Variants in PELI2 observed in about 807,000 individuals in gnomAD.
PELI2 encodes the protein E3 ubiquitin-protein ligase pellino homolog 2.
Under a neutral mutation model 42.3 loss-of-function variants are expected in PELI2, and 23 were observed. The ratio of observed to expected loss-of-function variants is 0.54; its 90% CI spans 0.39 to 0.77. The LOEUF is 0.77. Ranked by LOEUF, PELI2 falls within the 30% of genes least tolerant of loss-of-function variation. PELI2 has a pLI of 0.00. For missense variants in PELI2, 463 were observed against 553.2 expected, an observed-to-expected ratio of 0.84 and a Z score of 1.64; for synonymous variants, 245 against 212.2, an observed-to-expected ratio of 1.15 and a Z score of -1.34.
At chr14:56,199,587 G>T (rs1007908450) in intron 2 of PELI2, among the ~76,000 whole-genome samples, 1 of 152,178 alleles carries the variant, frequency 6.6e-6, no homozygotes, top group Non-Finnish European at 1.5e-5. Flanking sequence ...GGTTAGCAAT[G>T]AACTGAGGTT....
intron 2 of PELI2, among the ~76,000 whole-genome samples, chr14:56,204,946 G>A (rs1472179556): frequency 1.3e-5 from 2 of 149,766 alleles, no homozygotes; most frequent in African/African-American, 2.5e-5. Flanking sequence ...CAGGAGAATC[G>A]ATTGACATGG....
chr14:56,279,185 C>T (rs1477495702), intron 2 of PELI2, among the ~76,000 whole-genome samples: 26 of 152,050 alleles, frequency 1.7e-4, no homozygotes, highest in Non-Finnish European at 3.7e-4. Flanking sequence ...TTGGCTAGGA[C>T]GGTGTATTAT....
At chr14:56,235,977 G>T (rs1887779371) in intron 2 of PELI2, among the ~76,000 whole-genome samples, 1 of 152,102 alleles carries the variant, frequency 6.6e-6, no homozygotes, top group African/African-American at 2.4e-5. Context: ...TAATTTAACT[G>T]TTGGTCCTTG....
chr14:56,249,523 G>A (rs775725080), intron 2 of PELI2, among the ~76,000 whole-genome samples: 20 of 152,116 alleles, frequency 1.3e-4, no homozygotes, highest in African/African-American at 4.8e-4. Context: ...TTAATTCAAC[G>A]GATATTTCTG....
At chr14:56,286,300 C>A (rs1418389791) in intron 3 of PELI2, among the ~76,000 whole-genome samples, 1 of 152,118 alleles carries the variant, frequency 6.6e-6, no homozygotes, top group Non-Finnish European at 1.5e-5. Context: ...AATATTTCAT[C>A]CTTATCCCAG....
intron 1 of PELI2, among the ~76,000 whole-genome samples, chr14:56,167,674 G>T (rs1453451966): frequency 6.6e-6 from 1 of 152,136 alleles, no homozygotes; most frequent in Admixed American, 6.6e-5. Context: ...TTGGTCCCTG[G>T]TGCCTTATTT....
At chr14:56,245,707 G>C (rs1888128077) in intron 2 of PELI2, among the ~76,000 whole-genome samples, 1 of 152,126 alleles carries the variant, frequency 6.6e-6, no homozygotes, top group Admixed American at 6.5e-5. Flanking sequence ...CACAGGTTCT[G>C]CATCTGCAGA....
chr14:56,161,293 CATCTGTTT>C (rs1884756319), intron 1 of PELI2, among the ~76,000 whole-genome samples: 1 of 150,554 alleles, frequency 6.6e-6, no homozygotes, highest in Non-Finnish European at 1.5e-5. Flanking sequence ...TTCATCTGTT[CATCTGTTT>C]TTTTTTTTTT....
chr14:56,159,358 C>T (rs931583934), intron 1 of PELI2, among the ~76,000 whole-genome samples: 1 of 152,190 alleles, frequency 6.6e-6, no homozygotes. Flanking sequence ...GTGGCCATGG[C>T]AGAGATGCCA....
chr14:56,202,287 G>C (rs1470969907), intron 2 of PELI2, among the ~76,000 whole-genome samples: 1 of 152,182 alleles, frequency 6.6e-6, no homozygotes, highest in Non-Finnish European at 1.5e-5. Flanking sequence ...AAAAATACTT[G>C]AGGGAATGTT....
At chr14:56,296,381 G>A (rs1181891505) in intron 5 of PELI2, among the ~76,000 whole-genome samples, 1 of 152,184 alleles carries the variant, frequency 6.6e-6, no homozygotes, top group Non-Finnish European at 1.5e-5. Context: ...ACTGTGCTCA[G>A]GGCTTTGTAC....
At position 56,180,280 on chromosome 14, in the gene PELI2, G is replaced by T. The variant is rs145568975; in HGVS notation, c.207+1816G>T. Among the ~76,000 whole-genome samples the T allele has an allele frequency of 1.1e-4, 16 of 152,268 alleles. No homozygotes were observed. In the East Asian group the frequency reaches 3.1e-3, roughly 29 times the overall value. ...TAAATTGGCTTCAAGCAGGAGCTCTGTTGAATTAGAAAATATACTTTGTTC... is the reference window on the plus strand; with the variant it reads ...TAAATTGGCTTCAAGCAGGAGCTCTTTTGAATTAGAAAATATACTTTGTTC... On this transcript the variant is annotated intron_variant, in intron 2 of 5. Coordinates refer to ENST00000267460, the MANE Select transcript of PELI2 (RefSeq NM_021255.3). The surrounding 1 kb of genome is among the most constrained non-coding windows in gnomAD (Gnocchi z 4.4).
chr14:56,228,820 G>C (rs550030496), intron 2 of PELI2, among the ~76,000 whole-genome samples: 1 of 152,226 alleles, frequency 6.6e-6, no homozygotes, highest in East Asian at 1.9e-4. Flanking sequence ...CCTGGGAAGC[G>C]CAAGAGATCA....
chr14:56,155,336 G>A (rs190417025), intron 1 of PELI2, among the ~76,000 whole-genome samples: 1 of 151,494 alleles, frequency 6.6e-6, no homozygotes, highest in African/African-American at 2.4e-5. Flanking sequence ...TTTATTTTAT[G>A]ACTGTTCAGA....
chr14:56,166,163 T>G (rs1384269592), intron 1 of PELI2, among the ~76,000 whole-genome samples: 2 of 152,192 alleles, frequency 1.3e-5, no homozygotes, highest in African/African-American at 4.8e-5. Context: ...GAGGATAACA[T>G]GAGGCTTGCA....
intron 2 of PELI2, among the ~76,000 whole-genome samples, chr14:56,232,440 C>A (rs1471260641): frequency 6.6e-6 from 1 of 152,150 alleles, no homozygotes; most frequent in Non-Finnish European, 1.5e-5. Flanking sequence ...CCCTGGGATG[C>A]AAGGCTGGTT....
intron 1 of PELI2, among the ~76,000 whole-genome samples, chr14:56,127,504 T>C (rs2139581733): frequency 6.6e-6 from 1 of 152,286 alleles, no homozygotes; most frequent in South Asian, 2.1e-4. Context: ...ATACTTTATG[T>C]CTCCTCCACA....
chr14:56,230,335 A>G (rs939567851), intron 2 of PELI2, among the ~76,000 whole-genome samples: 1 of 152,224 alleles, frequency 6.6e-6, no homozygotes, highest in South Asian at 2.1e-4. Context: ...AAAAAATGTT[A>G]AGGGCAGCCA....
intron 2 of PELI2, among the ~76,000 whole-genome samples, chr14:56,207,775 G>C (rs1020703221): frequency 6.6e-6 from 1 of 152,170 alleles, no homozygotes; most frequent in African/African-American, 2.4e-5. Flanking sequence ...TGTCTGGCCA[G>C]AAGGTAAAGA....
Sources: allele counts gnomAD v4.1 joint callset (sites outside exome capture counted in the v4.1 genomes callset), GRCh38; gene constraint gnomAD v4.1.1; non-coding constraint Gnocchi (gnomAD v3.1); transcripts MANE v1.5; gene names NCBI Gene and HGNC (gene_info 2026-07-23, HGNC 2026-07-21).